The following FGF12 variants were observed in gnomAD, a reference collection of about 807,000 sequenced individuals.
FGF12 encodes fibroblast growth factor 12, also known as fibroblast growth factor 12B.
A neutral mutation model predicts 23.6 loss-of-function variants in FGF12; 14 were observed. The ratio of observed to expected loss-of-function variants is 0.59; its 90% confidence interval spans 0.39 to 0.93. The LOEUF is 0.93. Ranked by LOEUF, FGF12 falls within the 40% of genes least tolerant of loss-of-function variation. The pLI is 0.00. For missense variants in FGF12, 175 were observed against 217.8 expected (o/e 0.80, Z 1.24); for synonymous variants, 62 against 77.3 (o/e 0.80, Z 1.04).
Position 192,451,147 on chromosome 3 carries a change from A to T in FGF12, c.14-90609T>A, listed in dbSNP as rs141902845. Among the ~76,000 whole-genome samples the T allele has an allele frequency of 8.5e-4, 130 of 152,304 alleles. 3 individuals are homozygous for T. The East Asian group carries it at 0.021, about 24-fold the overall frequency. On this transcript the variant is annotated intron_variant, in intron 2 of 5. Coordinates refer to ENST00000445105, the MANE Select transcript of FGF12 (RefSeq NM_004113.6). ...GGACAAGAATTACTTTATTGATATG[A>T]TTTTTACCCAAAGTGTAAACACAAT... is the stretch of plus-strand genomic sequence containing the variant.
intron 2 of FGF12, among the ~76,000 whole-genome samples, chr3:192,369,927 A>C (rs903710286): frequency 6.6e-6 from 1 of 152,208 alleles, no homozygotes; most frequent in African/African-American, 2.4e-5. Context: ...CTGGGACAAG[A>C]AACAGTTGAA....
chr3:192,498,844 C>G (rs1724037522), intron 2 of FGF12, among the ~76,000 whole-genome samples: 1 of 152,110 alleles, frequency 6.6e-6, no homozygotes, highest in African/African-American at 2.4e-5. Flanking sequence ...TCATGTTATC[C>G]CAGTCCACAA....
intron 2 of FGF12, among the ~76,000 whole-genome samples, chr3:192,504,117 T>C (rs781741490): frequency 1.3e-5 from 2 of 151,996 alleles, no homozygotes; most frequent in Non-Finnish European, 2.9e-5. Context: ...ATGTTCTCAC[T>C]TATAAGTGGG....
chr3:192,534,819 G>A lies in FGF12; in HGVS notation c.14-174281C>T, dbSNP rs139895392. Among the ~76,000 whole-genome samples the A allele has an allele frequency of 1.7e-3, 262 of 152,114 alleles. 1 individual carries two copies. The highest frequency in any genetic ancestry group is 5.8e-3 in the African/African-American group (242 of 41,490). On this transcript the variant is annotated intron_variant, in intron 2 of 5. Coordinates refer to ENST00000445105, the MANE Select transcript of FGF12 (RefSeq NM_004113.6). The stretch of plus-strand genomic sequence containing the variant: ...TGAATAAAATCATTTTAAAATTACC[G>A]ATTTTAGAACTATTTAATAATAATA...
In FGF12 at chr3:192,380,248, C is replaced by A. The variant is rs914667236; in HGVS notation, c.14-19710G>T. Among the ~76,000 whole-genome samples, 8 of 152,156 alleles carry A rather than the reference C, an allele frequency of 5.3e-5. No homozygotes were observed. The East Asian group carries it at 1.5e-3, about 29-fold the overall frequency. Reference sequence around the variant, plus strand: ...TACAATTTACTGCACTGCAGATAAACCTTTAGGCAAAGCATATTTCATCTG... The same window carrying A: ...TACAATTTACTGCACTGCAGATAAAACTTTAGGCAAAGCATATTTCATCTG... On this transcript the variant is annotated intron_variant, in intron 2 of 5. Coordinates refer to ENST00000445105, the MANE Select transcript of FGF12 (RefSeq NM_004113.6).
chr3:192,190,539 G>A (rs1373416800), intron 4 of FGF12, among the ~76,000 whole-genome samples: 3 of 142,218 alleles, frequency 2.1e-5, no homozygotes, highest in Non-Finnish European at 3.0e-5. Context: ...GCAGTGGCGG[G>A]ATCTCGGCTC....
At chr3:192,474,318 C>G (rs946662943) in intron 2 of FGF12, among the ~76,000 whole-genome samples, 1 of 152,036 alleles carries the variant, frequency 6.6e-6, no homozygotes, top group Non-Finnish European at 1.5e-5. Context: ...CCAGGAACAA[C>G]ACTCATCTCA....
chr3:192,600,143 T>C (rs960608353), intron 2 of FGF12, among the ~76,000 whole-genome samples: 1 of 152,076 alleles, frequency 6.6e-6, no homozygotes, highest in African/African-American at 2.4e-5. Context: ...ATTGAAGAAA[T>C]TGTCCTTCCC....
intron 2 of FGF12, among the ~76,000 whole-genome samples, chr3:192,582,120 A>G (rs1397955741): frequency 6.6e-6 from 1 of 151,140 alleles, no homozygotes; most frequent in African/African-American, 2.4e-5. Flanking sequence ...CCGTTGCATT[A>G]CACTTTGCAT....
intron 4 of FGF12, among the ~76,000 whole-genome samples, chr3:192,222,310 A>G (rs1443568993): frequency 1.3e-5 from 2 of 150,336 alleles, no homozygotes; most frequent in Non-Finnish European, 3.0e-5. Flanking sequence ...TATTGAAGAG[A>G]CTCAAATAAG....
At chr3:192,325,438 CATT>C (rs753186998) in intron 4 of FGF12, among the ~76,000 whole-genome samples, 1 of 152,104 alleles carries the variant, frequency 6.6e-6, no homozygotes, top group Admixed American at 6.5e-5. Context: ...ATTTAGGCAT[CATT>C]AAGTTCAAAT....
At chr3:192,663,642 T>C (rs1270851621) in intron 2 of FGF12, among the ~76,000 whole-genome samples, 1 of 152,198 alleles carries the variant, frequency 6.6e-6, no homozygotes, top group African/African-American at 2.4e-5. Context: ...AAAAGTCAAA[T>C]TATTATTATC....
chr3:192,337,540 C>T (rs924406589), intron 3 of FGF12, among the ~76,000 whole-genome samples: 15 of 152,124 alleles, frequency 9.9e-5, no homozygotes, highest in Admixed American at 2.6e-4. Flanking sequence ...GGCAACAAGA[C>T]GTGTGACATA....
chr3:192,529,389 C>T (rs1725032129), intron 2 of FGF12, among the ~76,000 whole-genome samples: 1 of 152,190 alleles, frequency 6.6e-6, no homozygotes, highest in Admixed American at 6.5e-5. Flanking sequence ...ATTTCATTGT[C>T]CATATCATTA....
intron 4 of FGF12, among the ~76,000 whole-genome samples, chr3:192,301,966 C>T (rs1336217409): frequency 6.6e-6 from 1 of 152,244 alleles, no homozygotes; most frequent in Admixed American, 6.5e-5. Flanking sequence ...TCTCTTACAC[C>T]TTTTGCCATG....
chr3:192,169,268 G>A (rs749246146), intron 5 of FGF12, among the ~76,000 whole-genome samples: 1 of 152,114 alleles, frequency 6.6e-6, no homozygotes, highest in Non-Finnish European at 1.5e-5. Context: ...TGGAACCCAG[G>A]GGGCAGAGGC....
chr3:192,235,001 T>C (rs981124670), intron 4 of FGF12, among the ~76,000 whole-genome samples: 32 of 152,270 alleles, frequency 2.1e-4, no homozygotes, highest in African/African-American at 7.2e-4. Context: ...CCTGAAGTTT[T>C]CTTTTTCCCT....
intron 2 of FGF12, among the ~76,000 whole-genome samples, chr3:192,709,660 G>C (rs1718598782): frequency 6.6e-6 from 1 of 152,180 alleles, no homozygotes; most frequent in African/African-American, 2.4e-5. Flanking sequence ...CTATTATGGT[G>C]CTGGGAAATT....
intron 2 of FGF12, among the ~76,000 whole-genome samples, chr3:192,586,402 A>G (rs1713375511): frequency 6.6e-6 from 1 of 152,228 alleles, no homozygotes; most frequent in Non-Finnish European, 1.5e-5. Flanking sequence ...TATATGGGCC[A>G]TAATAATATC....
Sources: gnomAD v4.1 joint callset for allele counts (sites outside exome capture counted in the v4.1 genomes callset) on GRCh38, gnomAD v4.1.1 for gene constraint, MANE v1.5 for transcripts, NCBI Gene and HGNC (gene_info 2026-07-23, HGNC 2026-07-21) for gene names.